The following CDKN2A variants were observed in gnomAD, a reference collection of about 807,000 sequenced individuals.
The protein encoded by CDKN2A is cyclin-dependent kinase inhibitor 2A.
In CDKN2A, 3 loss-of-function variants were observed where a neutral mutation model predicts 11.1. The observed-to-expected ratio is 0.27, with a 90% CI of 0.12 to 0.70. CDKN2A has a LOEUF of 0.70. Ranked by LOEUF, CDKN2A falls within the 30% of genes least tolerant of loss-of-function variation. The pLI is 0.77. For missense variants in CDKN2A, 265 were observed against 233.6 expected (o/e 1.13, Z -0.88); for synonymous variants, 122 against 108.1 (o/e 1.13, Z -0.80).
intron 2 of CDKN2A, among the ~76,000 whole-genome samples, chr9:21,982,641 G>T (rs1427589010): frequency 6.6e-6 from 1 of 151,968 alleles, no homozygotes; most frequent in Non-Finnish European, 1.5e-5. Context: ...CAGATATTGA[G>T]AATTGACCTC....
At chr9:21,992,100 A>T (rs571663404) in intron 2 of CDKN2A, 1 of 857,378 alleles carries the variant, frequency 1.2e-6, no homozygotes, top group African/African-American at 1.8e-5. Flanking sequence ...CAATCATATA[A>T]AAATAAAAAG....
chr9:21,980,894 GC>G (rs764067768), intron 2 of CDKN2A, among the ~76,000 whole-genome samples: 4,049 of 144,898 alleles, frequency 0.028, 188 homozygotes, highest in African/African-American at 0.079. Context: ...GGGGGGCGGA[GC>G]TTGCAGTGAG....
upstream of CDKN2A, chr9:21,975,042 G>C (rs917599759): frequency 2.9e-6 from 4 of 1,374,510 alleles, no homozygotes; most frequent in Non-Finnish European, 3.7e-6. Context: ...CGGAGGAGGT[G>C]CTATTAACTC....
intron 2 of CDKN2A, chr9:21,969,616 T>C (rs1489227318): frequency 5.1e-6 from 2 of 392,924 alleles, no homozygotes; most frequent in East Asian, 7.2e-5. Context: ...TTTATTCATT[T>C]GCTTGTGGCC....
intron 2 of CDKN2A, among the ~76,000 whole-genome samples, chr9:21,982,565 G>A (rs1451088050): frequency 6.6e-6 from 1 of 151,900 alleles, no homozygotes; most frequent in Non-Finnish European, 1.5e-5. Flanking sequence ...TAAAAGATTA[G>A]CACAGTATGT....
chr9:21,992,225 T>A (rs1183447354), intron 2 of CDKN2A: 14 of 937,536 alleles, frequency 1.5e-5, no homozygotes, highest in East Asian at 2.3e-4. Context: ...CAAGGAATTG[T>A]ATGAATCCTA....
At chr9:21,969,972 CGT>C (rs1248376309) in intron 2 of CDKN2A, among the ~76,000 whole-genome samples, 1 of 152,140 alleles carries the variant, frequency 6.6e-6, no homozygotes, top group East Asian at 1.9e-4. Context: ...CCAATGCCCC[CGT>C]TCTGGGCCAA....
intron 2 of CDKN2A, chr9:21,990,065 C>T (rs536295565): frequency 2.0e-5 from 3 of 152,704 alleles, no homozygotes; most frequent in Non-Finnish European, 4.4e-5. Flanking sequence ...GGCGCTCTTT[C>T]GGGTCCAGGG....
intron 2 of CDKN2A, among the ~76,000 whole-genome samples, chr9:21,986,878 G>C (rs1490422094): frequency 6.6e-6 from 1 of 151,994 alleles, no homozygotes; most frequent in Non-Finnish European, 1.5e-5. Context: ...TGTTCAACTG[G>C]GGGAGTCATT....
rs186638867 is a variant in CDKN2A at position 21,985,895 on chromosome 9, A to G, written c.-4+7987T>C. Among the ~76,000 whole-genome samples, 52 of 152,108 alleles carry G rather than the reference A, an allele frequency of 3.4e-4. No homozygotes were observed. In the East Asian group the frequency reaches 6.0e-3, roughly 17 times the overall value. ...TATATTTTTAAAGTGGAGTTTAGAA[A>G]TTTCTAGCTACACTGAAAAATTATA... On this transcript the variant is annotated intron_variant, in intron 2 of 3. Coordinates refer to the CDKN2A transcript ENST00000494262.
In CDKN2A at chr9:21,971,006, G is replaced by A. The variant is rs1060501270; in HGVS notation, c.353C>T (p.Ala118Val). 1 of 1,608,932 alleles carries A rather than the reference G, an allele frequency of 6.2e-7. No individual in the cohort carries two copies. Among genetic ancestry groups the A allele is most frequent in the Non-Finnish European group, 8.5e-7 (1 of 1,179,872 alleles). ...GACATCGCGATGGCCCAGCTCCTCA[G>A]CCAGGTCCACGGGCAGACGGCCCCA... ...DAWGRLPVDL[A>V]EELGHRDVAR... is the part of the protein sequence containing the mutation. The change falls in exon 2 of 3, where the codon GCT becomes GTT. Residue 118 changes from alanine (A) to valine (V), a missense_variant. By Grantham distance (64) the Ala-to-Val change is moderately conservative (BLOSUM62 0). Transcript: ENST00000304494.
chr9:21,994,279 G>A lies in CDKN2A; in HGVS notation c.-175-226C>T, dbSNP rs1587358603. On this transcript the variant is annotated intron_variant, in intron 1 of 3. Coordinates refer to the CDKN2A transcript ENST00000494262. ...GTGAACCACGAAAACCCTCACTCGC[G>A]GCGGGCCGCACGCGCGCCGAATCCG... The A allele has an allele frequency of 2.5e-6, 4 of 1,604,132 alleles. No homozygotes were observed. The highest frequency in any genetic ancestry group is 3.4e-6 in the Non-Finnish European group (4 of 1,176,154).
chr9:21,975,808 C>A (rs36228503), upstream of CDKN2A, among the ~76,000 whole-genome samples: 3,116 of 152,304 alleles, frequency 0.02, 41 homozygotes, highest in Middle Eastern at 0.071. Flanking sequence ...AGCAGAGTTG[C>A]ACAGTGATCC....
At position 21,988,909 on chromosome 9, in the gene CDKN2A, A is replaced by T. The variant is rs1303268693; in HGVS notation, c.-4+4973T>A. ...TATTTGCCATTCCCTTTAGATGGAA[A>T]CGTTCTTTGGTCCACCAAGCCCTAT... On this transcript the variant is annotated intron_variant, in intron 2 of 3. Coordinates refer to the CDKN2A transcript ENST00000494262. This position sits in a 1 kb window ranked among gnomAD's most constrained non-coding sequence, Gnocchi z 4.1. Among the ~76,000 whole-genome samples the T allele has an allele frequency of 6.6e-6, 1 of 152,220 alleles. No individual in the cohort carries two copies. The highest frequency in any genetic ancestry group is 2.4e-5 in the African/African-American group (1 of 41,470).
intron 2 of CDKN2A, among the ~76,000 whole-genome samples, chr9:21,990,611 T>TGAGAGAGCGAGAGAGA (rs1820405615): frequency 1.1e-5 from 1 of 89,676 alleles, no homozygotes; most frequent in African/African-American, 3.8e-5. Flanking sequence ...ACTAATTTGG[T>TGAGAGAGCGAGAGAGA]GAGAGAGAGA....
At chr9:21,985,446 GAC>G (rs200739922) in intron 2 of CDKN2A, among the ~76,000 whole-genome samples, 1 of 151,666 alleles carries the variant, frequency 6.6e-6, no homozygotes, top group Non-Finnish European at 1.5e-5. Context: ...TCATCACACA[GAC>G]ACACACACAC....
At chr9:21,992,740 TAATA>T (rs1377084188) in intron 2 of CDKN2A, among the ~76,000 whole-genome samples, 2 of 151,788 alleles carry the variant, frequency 1.3e-5, no homozygotes, top group African/African-American at 2.4e-5. Flanking sequence ...TTAACTAGAG[TAATA>T]AATATTTTTA....
intron 2 of CDKN2A, among the ~76,000 whole-genome samples, chr9:21,984,285 T>C (rs935861828): frequency 2.0e-5 from 3 of 151,824 alleles, no homozygotes; most frequent in African/African-American, 7.2e-5. Context: ...CAGAAGAATT[T>C]CCAAAAAAAA....
At chr9:21,969,845 T>C (rs1819617326) in intron 2 of CDKN2A, 1 of 398,088 alleles carries the variant, frequency 2.5e-6, no homozygotes, top group African/African-American at 2.1e-5. Flanking sequence ...AAAGAAGAAC[T>C]TCGCGTCTTT....
Sources: allele counts gnomAD v4.1 joint callset (sites outside exome capture counted in the v4.1 genomes callset), GRCh38; gene constraint gnomAD v4.1.1; non-coding constraint Gnocchi (gnomAD v3.1); transcripts MANE v1.5; gene names NCBI Gene and HGNC (gene_info 2026-07-23, HGNC 2026-07-21).